The following NAALADL2 variants were observed in gnomAD, a reference collection of about 807,000 sequenced individuals.
NAALADL2 encodes the protein inactive N-acetylated-alpha-linked acidic dipeptidase-like protein 2.
A neutral mutation model predicts 87.2 loss-of-function variants in NAALADL2; 76 were observed. That is an observed-to-expected ratio of 0.87 (90% confidence interval 0.72 to 1.05). NAALADL2 has a LOEUF of 1.05. NAALADL2 is among the 50% of genes least tolerant of loss of function. NAALADL2 has a pLI of 0.00. For synonymous variants in NAALADL2, 354 were observed against 331.0 expected (o/e 1.07, Z -0.75); for missense variants, 1,089 against 945.8 (o/e 1.15, Z -1.99).
intron 11 of NAALADL2, among the ~76,000 whole-genome samples, chr3:175,631,543 G>C (rs1259115103): frequency 1.3e-5 from 2 of 151,380 alleles, no homozygotes; most frequent in Non-Finnish European, 2.9e-5. Flanking sequence ...ATGAGGCTCA[G>C]TATTGATGCC....
chr3:175,209,598 A>G (rs1741459533), intron 2 of NAALADL2, among the ~76,000 whole-genome samples: 1 of 152,072 alleles, frequency 6.6e-6, no homozygotes, highest in Non-Finnish European at 1.5e-5. Flanking sequence ...ACATGTCATT[A>G]CATCACATGA....
At chr3:175,495,366 T>C (rs542019880) in intron 9 of NAALADL2, among the ~76,000 whole-genome samples, 2 of 152,212 alleles carry the variant, frequency 1.3e-5, no homozygotes, top group East Asian at 3.9e-4. Flanking sequence ...TGTTGATGAA[T>C]GCCAAGTCAT....
intron 11 of NAALADL2, among the ~76,000 whole-genome samples, chr3:175,727,183 C>T (rs961689319): frequency 1.3e-5 from 2 of 152,060 alleles, no homozygotes; most frequent in Non-Finnish European, 2.9e-5. Context: ...AAGGCATGCT[C>T]CAGGCTGCAA....
chr3:175,215,619 C>G (rs1478778894), intron 2 of NAALADL2, among the ~76,000 whole-genome samples: 1 of 152,146 alleles, frequency 6.6e-6, no homozygotes, highest in Non-Finnish European at 1.5e-5. Context: ...AGAAATTCTG[C>G]AAATAATGCT....
chr3:175,456,450 T>C (rs958132147), intron 6 of NAALADL2, among the ~76,000 whole-genome samples: 1 of 151,906 alleles, frequency 6.6e-6, no homozygotes, highest in Non-Finnish European at 1.5e-5. Context: ...GGAAATGTAA[T>C]TTTTAACTAC....
At chr3:174,498,789 G>A (rs1718709006) in intron 1 of NAALADL2, among the ~76,000 whole-genome samples, 1 of 151,888 alleles carries the variant, frequency 6.6e-6, no homozygotes, top group African/African-American at 2.4e-5. Context: ...TCTAATAGAA[G>A]CATAGTGGTA....
intron 2 of NAALADL2, among the ~76,000 whole-genome samples, chr3:175,152,423 G>A (rs545356316): frequency 1.3e-5 from 2 of 152,086 alleles, no homozygotes; most frequent in African/African-American, 2.4e-5. Context: ...TGAAAAATTA[G>A]GACTATGATA....
intron 2 of NAALADL2, among the ~76,000 whole-genome samples, chr3:175,135,774 C>T (rs551138223): frequency 2.6e-5 from 4 of 151,816 alleles, no homozygotes; most frequent in Admixed American, 6.6e-5. Flanking sequence ...ATAAGAAATC[C>T]GAGATCAATA....
At chr3:174,942,858 T>C (rs922634873) in intron 1 of NAALADL2, among the ~76,000 whole-genome samples, 1 of 152,222 alleles carries the variant, frequency 6.6e-6, no homozygotes, top group African/African-American at 2.4e-5. Flanking sequence ...GTGAAATTCT[T>C]GTATTTTGTC....
At chr3:174,609,914 T>C (rs1719623595) in intron 2 of NAALADL2, among the ~76,000 whole-genome samples, 1 of 152,016 alleles carries the variant, frequency 6.6e-6, no homozygotes, top group Non-Finnish European at 1.5e-5. Flanking sequence ...CTTCAAACTA[T>C]ACTACAAGGC....
At chr3:174,999,282 A>G (rs1747919932) in intron 1 of NAALADL2, among the ~76,000 whole-genome samples, 1 of 152,130 alleles carries the variant, frequency 6.6e-6, no homozygotes, top group Non-Finnish European at 1.5e-5. Flanking sequence ...TTTAACATTT[A>G]AAAGCAGGCT....
intron 2 of NAALADL2, among the ~76,000 whole-genome samples, chr3:174,664,914 T>C (rs1469529960): frequency 6.6e-6 from 1 of 152,246 alleles, no homozygotes; most frequent in Non-Finnish European, 1.5e-5. Context: ...CTTCATTCTG[T>C]CTTTCAAATC....
At chr3:175,034,514 C>T (rs1753178258) in intron 1 of NAALADL2, among the ~76,000 whole-genome samples, 1 of 152,106 alleles carries the variant, frequency 6.6e-6, no homozygotes, top group Non-Finnish European at 1.5e-5. Context: ...TATTTCAAGT[C>T]TCTACTCAAA....
At position 175,403,281 on chromosome 3, in the gene NAALADL2, T is replaced by C. The variant is rs138341860; in HGVS notation, c.1091-43948T>C. ...CTTTCACAATTTCAGAGTCTTTTTTTATTTTTTGAAGCTGTGCAGTAGAGG... is the reference window on the plus strand; with the variant it reads ...CTTTCACAATTTCAGAGTCTTTTTTCATTTTTTGAAGCTGTGCAGTAGAGG... On this transcript the variant is annotated intron_variant, in intron 5 of 13. Coordinates refer to ENST00000454872, the MANE Select transcript of NAALADL2 (RefSeq NM_207015.3). Among the ~76,000 whole-genome samples, 203 of 152,232 alleles carry C rather than the reference T, an allele frequency of 1.3e-3. 1 individual carries two copies. Among genetic ancestry groups the C allele is most frequent in the Middle Eastern group, 6.8e-3 (2 of 294 alleles).
intron 2 of NAALADL2, among the ~76,000 whole-genome samples, chr3:175,108,697 A>AATTTT (rs1723666065): frequency 1.3e-5 from 2 of 152,118 alleles, no homozygotes; most frequent in Admixed American, 1.3e-4. Context: ...TTGTAACTTG[A>AATTTT]TGAAACACAT....
At chr3:174,470,752 C>T (rs1716847651) in intron 1 of NAALADL2, among the ~76,000 whole-genome samples, 1 of 152,064 alleles carries the variant, frequency 6.6e-6, no homozygotes, top group Non-Finnish European at 1.5e-5. Context: ...TTATTTTTGT[C>T]AACTTAATTG....
intron 3 of NAALADL2, among the ~76,000 whole-genome samples, chr3:174,810,722 T>C (rs1720080643): frequency 6.6e-6 from 1 of 151,914 alleles, no homozygotes; most frequent in South Asian, 2.1e-4. Flanking sequence ...CGGGTGGAGA[T>C]TGGGAGGCAA....
chr3:174,713,576 GTGTCTTT>G (rs1435020814), intron 2 of NAALADL2, among the ~76,000 whole-genome samples: 2 of 151,088 alleles, frequency 1.3e-5, no homozygotes, highest in Admixed American at 6.5e-5. Flanking sequence ...ACTTTTTCAT[GTGTCTTT>G]TGGCTGCATA....
At chr3:174,850,864 C>T (rs1305978130) in intron 3 of NAALADL2, among the ~76,000 whole-genome samples, 2 of 152,026 alleles carry the variant, frequency 1.3e-5, no homozygotes, top group East Asian at 3.9e-4. Context: ...TATAAGTCCA[C>T]TAAAGATGTC....
Sources: gnomAD v4.1 joint callset for allele counts (sites outside exome capture counted in the v4.1 genomes callset) on GRCh38, gnomAD v4.1.1 for gene constraint, MANE v1.5 for transcripts, NCBI Gene and HGNC (gene_info 2026-07-23, HGNC 2026-07-21) for gene names.